The following CERKL variants were observed in gnomAD, a reference collection of about 807,000 sequenced individuals.
The protein encoded by CERKL is CERK like autophagy regulator, also known as ceramide kinase-like protein.
CERKL carries 61 observed loss-of-function variants against 63.4 expected under a neutral mutation model. That is an observed-to-expected ratio of 0.96 (90% CI 0.78 to 1.19). The LOEUF (loss-of-function observed/expected upper bound fraction) is 1.19, where lower values mean the gene tolerates loss of function less well. CERKL is among the 50% of genes most tolerant of loss of function. The pLI is 0.00. For synonymous variants in CERKL, 250 were observed against 230.5 expected, an observed-to-expected ratio of 1.08 and a Z score of -0.77; for missense variants, 675 against 655.5, an observed-to-expected ratio of 1.03 and a Z score of -0.33.
chr2:181,538,810 T>C (rs1687341040), intron 12 of CERKL, among the ~76,000 whole-genome samples: 1 of 152,192 alleles, frequency 6.6e-6, no homozygotes, highest in Non-Finnish European at 1.5e-5. Flanking sequence ...AAAATGGAAG[T>C]TGTAGACATT....
In CERKL at chr2:181,547,819, C is replaced by T. The variant is rs373597465; in HGVS notation, c.1159+3G>A. The T allele has an allele frequency of 2.2e-5, 35 of 1,614,008 alleles. No individual in the cohort carries two copies. The African/African-American group carries it at 4.1e-4, about 19-fold the overall frequency. ...GTTCTCAAGGAGATACTTTTCGACT[C>T]ACCAGATTTGGGAGATCCCTGTGCC... is the stretch of plus-strand genomic sequence containing the variant. On this transcript the variant is annotated splice_donor_region_variant and intron_variant, in intron 9 of 12. Transcript: ENST00000410087.
rs1455820791 is a variant in CERKL at position 181,657,100 on chromosome 2, A to G, written c.-94T>C. On this transcript the variant is annotated 5_prime_UTR_variant, in exon 1 of 13. Coordinates refer to ENST00000410087, the MANE Select transcript of CERKL (RefSeq NM_201548.5). The stretch of plus-strand genomic sequence containing the variant: ...GGCAGCCCCAGCTCTAGCCGCGTCC[A>G]GCGCTGCCACAGCAACGGCGCGCAG... 2 of 1,207,048 alleles carry G rather than the reference A, an allele frequency of 1.7e-6. No individual in the cohort carries two copies. Among genetic ancestry groups the G allele is most frequent in the Non-Finnish European group, 2.4e-6 (2 of 839,240 alleles). 74.8% of individuals were successfully genotyped at this position (1,207,048 alleles called of 1,614,324 possible).
At chr2:181,627,854 G>A (rs983442740) in intron 1 of CERKL, among the ~76,000 whole-genome samples, 2 of 152,120 alleles carry the variant, frequency 1.3e-5, no homozygotes. Context: ...ACTCTTATTA[G>A]TCACCATCTT....
intron 2 of CERKL, among the ~76,000 whole-genome samples, chr2:181,581,328 G>T (rs72885327): frequency 0.12 from 18,113 of 152,146 alleles, 1,250 homozygotes; most frequent in East Asian, 0.24. Flanking sequence ...CATGTGATTA[G>T]ATGTGAAGTA....
At chr2:181,585,683 T>C (rs967454901) in intron 2 of CERKL, among the ~76,000 whole-genome samples, 1 of 152,144 alleles carries the variant, frequency 6.6e-6, no homozygotes, top group African/African-American at 2.4e-5. Flanking sequence ...TTAAAGTCAA[T>C]AGAAAAATCA....
chr2:181,564,273 G>A (rs1433235355), intron 4 of CERKL, among the ~76,000 whole-genome samples: 1 of 151,958 alleles, frequency 6.6e-6, no homozygotes, highest in African/African-American at 2.4e-5. Flanking sequence ...TCGGAGTTGG[G>A]GACCCCTGAT....
intron 2 of CERKL, among the ~76,000 whole-genome samples, chr2:181,580,756 T>C (rs1412572294): frequency 2.0e-5 from 3 of 152,194 alleles, no homozygotes; most frequent in Non-Finnish European, 2.9e-5. Flanking sequence ...ATCAATTTCA[T>C]GCAAGTTCTA....
At chr2:181,540,292 A>C (rs1232333084) in intron 11 of CERKL, among the ~76,000 whole-genome samples, 2 of 152,222 alleles carry the variant, frequency 1.3e-5, no homozygotes, top group East Asian at 1.9e-4. Flanking sequence ...CCTTGGCTAC[A>C]TGCCTCATCC....
intron 10 of CERKL, among the ~76,000 whole-genome samples, chr2:181,546,199 GCAGAGTCAA>G (rs1401851362): frequency 6.6e-6 from 1 of 152,130 alleles, no homozygotes; most frequent in Non-Finnish European, 1.5e-5. Context: ...GATTAAGCCT[GCAGAGTCAA>G]CAGTGGAATT....
intron 2 of CERKL, among the ~76,000 whole-genome samples, chr2:181,576,232 T>A (rs1684204258): frequency 6.6e-6 from 1 of 152,158 alleles, no homozygotes; most frequent in South Asian, 2.1e-4. Context: ...CTATTTTCAG[T>A]CATCACAATA....
chr2:181,600,319 A>G (rs1385562556), intron 2 of CERKL, among the ~76,000 whole-genome samples: 1 of 152,230 alleles, frequency 6.6e-6, no homozygotes, highest in Non-Finnish European at 1.5e-5. Context: ...GCAACTACTT[A>G]ACAATACACA....
chr2:181,645,236 G>T (rs1041373314), intron 1 of CERKL, among the ~76,000 whole-genome samples: 1 of 152,160 alleles, frequency 6.6e-6, no homozygotes, highest in Non-Finnish European at 1.5e-5. Context: ...TGTAGTTAAT[G>T]AGGAGTTGGT....
In CERKL at chr2:181,539,052, T is replaced by C. The variant is rs1395798362; in HGVS notation, c.1538+40A>G. 4 of 1,240,456 alleles carry C rather than the reference T, an allele frequency of 3.2e-6. No homozygotes were observed. In the African/African-American group the frequency reaches 1.1e-4, roughly 34 times the overall value. 76.8% of individuals were successfully genotyped at this position (1,240,456 alleles called of 1,614,324 possible). On this transcript the variant is annotated intron_variant, in intron 12 of 12. Coordinates refer to ENST00000410087, the MANE Select transcript of CERKL (RefSeq NM_201548.5). Reference sequence around the variant, plus strand: ...CTTTCGTTGTAATATTAGATTTATGTTTACTGGTTGACAATAAGCGGTGAA... The same window carrying C: ...CTTTCGTTGTAATATTAGATTTATGCTTACTGGTTGACAATAAGCGGTGAA...
chr2:181,628,514 A>T (rs1431234303), intron 1 of CERKL, among the ~76,000 whole-genome samples: 1 of 152,172 alleles, frequency 6.6e-6, no homozygotes, highest in East Asian at 1.9e-4. Context: ...TGGGCATAAA[A>T]AAGGCAGTAA....
At chr2:181,645,638 C>T (rs6718072) in intron 1 of CERKL, among the ~76,000 whole-genome samples, 21,889 of 152,208 alleles carry the variant, frequency 0.14, 3,815 homozygotes, top group African/African-American at 0.42. Flanking sequence ...TGCCTAGTGG[C>T]CTCCTCTACA....
At position 181,548,790 on chromosome 2, in the gene CERKL, T is replaced by C. The variant is rs1407008455; in HGVS notation, c.963A>G (p.Ser321=). Residue 321 remains serine, a synonymous_variant, in exon 7 of 13, where the codon TCA becomes TCG. Coordinates refer to ENST00000410087, the MANE Select transcript of CERKL (RefSeq NM_201548.5). The stretch of plus-strand genomic sequence containing the variant: ...TTCTTCCACCAAAGCCAAACATGGC[T>C]GAGAACCCAAAGCGAAGAAGCTTGC... ...TAGKLLRFGF[S]AMFGFGGRTL... 2 of 1,614,020 alleles carry C rather than the reference T, an allele frequency of 1.2e-6. No individual in the cohort carries two copies. The highest frequency in any genetic ancestry group is 3.3e-5 in the Admixed American group (2 of 59,990).
intron 1 of CERKL, among the ~76,000 whole-genome samples, chr2:181,607,894 A>G (rs1045162012): frequency 6.6e-6 from 1 of 152,238 alleles, no homozygotes; most frequent in African/African-American, 2.4e-5. Context: ...GATAAGATGT[A>G]TCTCTTACCC....
rs113615981 is a variant in CERKL, at chr2:181,592,103, A to G, written c.481+11734T>C. On this transcript the variant is annotated intron_variant, in intron 2 of 12. Transcript: ENST00000410087. ...CTCAATTTCAACTTGTATAAAGGGA[A>G]GACTTCTTTATCTTTCTCCCTCCCT... 8.0e-3 allele frequency among the ~76,000 whole-genome samples: 1,218 copies of G among 152,188 alleles called. 19 individuals carry two copies. Among genetic ancestry groups the G allele is most frequent in the African/African-American group, 0.028 (1,144 of 41,540 alleles).
Position 181,599,018 on chromosome 2 carries a change from T to TAGA in CERKL, c.481+4818_481+4819insTCT, listed in dbSNP as rs367673227. On this transcript the variant is annotated intron_variant, in intron 2 of 12. Transcript: ENST00000410087. The stretch of plus-strand genomic sequence containing the variant: ...CATACCTCCAAAGAATTGCACTAGC[T>TAGA]CTATAGCAATGGATCCTAACCAAGT... Among the ~76,000 whole-genome samples, 419 of 152,176 alleles carry TAGA rather than the reference T, an allele frequency of 2.8e-3. 3 individuals are homozygous for TAGA. Among genetic ancestry groups the TAGA allele is most frequent in the African/African-American group, 9.1e-3 (378 of 41,514 alleles).
Sources: gnomAD v4.1 joint callset for allele counts (sites outside exome capture counted in the v4.1 genomes callset) on GRCh38, gnomAD v4.1.1 for gene constraint, MANE v1.5 for transcripts, NCBI Gene and HGNC (gene_info 2026-07-23, HGNC 2026-07-21) for gene names.